The following ENC1 variants were observed in gnomAD, a reference collection of about 807,000 sequenced individuals.
ENC1 encodes the protein ectodermal-neural cortex 1.
In ENC1, 19 loss-of-function variants were observed where a neutral mutation model predicts 40.9. That is an observed-to-expected ratio of 0.46 (90% CI 0.32 to 0.68). The LOEUF (loss-of-function observed/expected upper bound fraction) is 0.68. ENC1 is among the 30% of genes least tolerant of loss of function. The pLI is 0.03. For missense variants in ENC1, 479 were observed against 737.5 expected (o/e 0.65, Z 4.06); for synonymous variants, 285 against 291.1 (o/e 0.98, Z 0.21).
At chr5:74,631,877 C>A (rs1437997981) in intron 2 of ENC1, among the ~76,000 whole-genome samples, 1 of 152,152 alleles carries the variant, frequency 6.6e-6, no homozygotes, top group African/African-American at 2.4e-5. Flanking sequence ...CATTTTCCTA[C>A]CACACAGAAA....
rs914621701 is a variant in ENC1 at position 74,640,611 on chromosome 5, GCGCT to G, written c.-322_-319del. The stretch of plus-strand genomic sequence containing the variant: ...GGCGCCGCGGAAGGAGGCGGGCTGT[GCGCT>G]CGGGGGAGGGAGCTAGAAAGCGCCT... On this transcript the variant is annotated 5_prime_UTR_variant, in exon 1 of 3. Coordinates refer to ENST00000302351, the MANE Select transcript of ENC1 (RefSeq NM_003633.4). 1.3e-5 allele frequency: 2 copies of G among 152,414 alleles called. No homozygotes were observed. Among genetic ancestry groups the G allele is most frequent in the Non-Finnish European group, 2.9e-5 (2 of 68,200 alleles). The allele number at this position is 152,414 out of a possible 1,614,324, so 9.4% of individuals were successfully genotyped here.
chr5:74,634,773 G>T lies in ENC1; in HGVS notation c.1713C>A (p.Val571=). 6.2e-7 allele frequency: 1 copy of T among 1,614,092 alleles called. No individual in the cohort carries two copies. Among genetic ancestry groups the T allele is most frequent in the Non-Finnish European group, 8.5e-7 (1 of 1,179,926 alleles). The change falls in exon 2 of 3, where the codon GTC becomes GTA. Residue 571 remains valine (V), a synonymous_variant. Coordinates refer to ENST00000302351, the MANE Select transcript of ENC1 (RefSeq NM_003633.4). The part of the protein sequence containing the change: ...TLDVWNSITT[V]PYSLIPTAFV... Reference sequence around the variant, plus strand: ...ATGCAGTAGGAATCAGCGAGTACGGGACAGTGGTGATGCTGTTCCACACGT... The same window carrying T: ...ATGCAGTAGGAATCAGCGAGTACGGTACAGTGGTGATGCTGTTCCACACGT...
chr5:74,629,457 T>C lies in ENC1; in HGVS notation c.*568A>G, dbSNP rs1747316323. 6.6e-6 allele frequency: 1 copy of C among 152,218 alleles called. No individual in the cohort carries two copies. Among genetic ancestry groups the C allele is most frequent in the African/African-American group, 2.4e-5 (1 of 41,452 alleles). The allele number at this position is 152,218 out of a possible 1,614,324, so 9.4% of individuals were successfully genotyped here. On this transcript the variant is annotated 3_prime_UTR_variant, in exon 3 of 3. Coordinates refer to ENST00000302351, the MANE Select transcript of ENC1 (RefSeq NM_003633.4). ...AAATGGCTACCAACAAAGTCCCCAT[T>C]GTTCAGAAACGTTCCTGGGGAGCAG...
At position 74,636,587 on chromosome 5, in the gene ENC1, C is replaced by G. The variant is rs1747604883; in HGVS notation, c.-13-89G>C. 1.3e-6 allele frequency: 1 copy of G among 755,024 alleles called. No homozygotes were observed. The highest frequency in any genetic ancestry group is 2.7e-5 in the East Asian group (1 of 36,952). 46.8% of individuals were successfully genotyped at this position (755,024 alleles called of 1,614,324 possible). A position where few individuals can be genotyped will look rare whatever the true frequency, so the allele number is the denominator to read the frequency against. ...AGCAACAATGGTTTTGCACAAAAAACAGAACACTTTGTTGTTGACCATGCC... is the reference window on the plus strand; with the variant it reads ...AGCAACAATGGTTTTGCACAAAAAAGAGAACACTTTGTTGTTGACCATGCC... On this transcript the variant is annotated intron_variant, in intron 1 of 2. Coordinates refer to ENST00000302351, the MANE Select transcript of ENC1 (RefSeq NM_003633.4). The surrounding 1 kb of genome is among the most constrained non-coding windows in gnomAD (Gnocchi z 4.8).
Position 74,635,061 on chromosome 5 carries a change from C to T in ENC1, c.1425G>A (p.Pro475=), listed in dbSNP as rs888489840. Residue 475 remains proline, a synonymous_variant, in exon 2 of 3, where the codon CCG becomes CCA. Transcript: ENST00000302351. This position sits in a 1 kb window ranked among gnomAD's most constrained non-coding sequence, Gnocchi z 5.5. ...AACGCCAGGGCTGGGGACAGGTGGC[C>T]GGTACAGTCCACCTGTTTTCACACT... ...YDQCENRWTV[P]ATCPQPWRYT... is the part of the protein sequence containing the mutation. The T allele has an allele frequency of 4.3e-6, 7 of 1,614,094 alleles. No homozygotes were observed. In the African/African-American group the frequency reaches 6.7e-5, roughly 15 times the overall value.
Position 74,640,562 on chromosome 5 carries a change from G to A in ENC1, c.-269C>T. The A allele has an allele frequency of 6.6e-6, 1 of 152,300 alleles. No homozygotes were observed. The highest frequency in any genetic ancestry group is 1.5e-5 in the Non-Finnish European group (1 of 68,096). 9.4% of individuals were successfully genotyped at this position (152,300 alleles called of 1,614,324 possible). A position where few individuals can be genotyped will look rare whatever the true frequency, so the allele number is the denominator to read the frequency against. On this transcript the variant is annotated 5_prime_UTR_variant, in exon 1 of 3. Transcript: ENST00000302351. ...AGCGTCTCCGGAGCGCGTCACGGTA[G>A]GGCAGAGCAAGCCTGCCACTGCAGG... is the stretch of plus-strand genomic sequence containing the variant.
rs767689222 is a variant in ENC1 at position 74,634,729 on chromosome 5, T to C, written c.1757A>G (p.His586Arg). The change falls in exon 2 of 3, where the codon CAT (histidine) becomes CGT (arginine). Residue 586 changes from histidine (H) to arginine (R), a missense_variant. Physicochemically the swap from His to Arg is conservative, Grantham distance 29. Coordinates refer to ENST00000302351, the MANE Select transcript of ENC1 (RefSeq NM_003633.4). ...AATGTACTGCATTTAAGAAGGCAGA[T>C]GTTTCCAGGTGCTGACAAATGCAGT... ...IPTAFVSTWK[H>R]LPS The C allele has an allele frequency of 6.2e-7, 1 of 1,607,986 alleles. No individual in the cohort carries two copies. The highest frequency in any genetic ancestry group is 8.5e-7 in the Non-Finnish European group (1 of 1,174,688).
chr5:74,629,754 A>G lies in ENC1; in HGVS notation c.*271T>C, dbSNP rs145628273. 1.3e-5 allele frequency: 2 copies of G among 152,322 alleles called. No individual in the cohort carries two copies. The highest frequency in any genetic ancestry group is 3.9e-4 in the East Asian group (2 of 5,180). The allele number at this position is 152,322 out of a possible 1,614,324, so 9.4% of individuals were successfully genotyped here. A position where few individuals can be genotyped will look rare whatever the true frequency, so the allele number is the denominator to read the frequency against. On this transcript the variant is annotated 3_prime_UTR_variant, in exon 3 of 3. Coordinates refer to ENST00000302351, the MANE Select transcript of ENC1 (RefSeq NM_003633.4). Reference sequence around the variant, plus strand: ...GGCTGATTAACATTGACATTAATCCACAATTACAAGACAAGGACTAGATCA... The same window carrying G: ...GGCTGATTAACATTGACATTAATCCGCAATTACAAGACAAGGACTAGATCA...
intron 2 of ENC1, among the ~76,000 whole-genome samples, chr5:74,631,007 C>G (rs1747372385): frequency 6.6e-6 from 1 of 151,964 alleles, no homozygotes; most frequent in Admixed American, 6.6e-5. Flanking sequence ...GTGTCATTGC[C>G]CCACCTCCAC....
In ENC1 at chr5:74,633,329, A is replaced by G. The variant is rs530177498; in HGVS notation, c.*32+1355T>C. 9.8e-5 allele frequency among the ~76,000 whole-genome samples: 15 copies of G among 152,306 alleles called. 2 individuals are homozygous for G. The South Asian group carries it at 2.7e-3, about 27-fold the overall frequency. Reference sequence around the variant, plus strand: ...TATACTCTTAAATACACAGACAACTATTATGTACTCAGATATATGACTCAG... The same window carrying G: ...TATACTCTTAAATACACAGACAACTGTTATGTACTCAGATATATGACTCAG... On this transcript the variant is annotated intron_variant, in intron 2 of 2. Coordinates refer to ENST00000302351, the MANE Select transcript of ENC1 (RefSeq NM_003633.4).
rs1316350724 is a variant in ENC1, at chr5:74,628,805, T to C, written c.*1220A>G. Reference sequence around the variant, plus strand: ...CCGTTTTTCCCATTAAATGTGGTTATGGCAAAGCATTCTTAGGGTAATAAA... The same window carrying C: ...CCGTTTTTCCCATTAAATGTGGTTACGGCAAAGCATTCTTAGGGTAATAAA... On this transcript the variant is annotated 3_prime_UTR_variant, in exon 3 of 3. Coordinates refer to ENST00000302351, the MANE Select transcript of ENC1 (RefSeq NM_003633.4). 66 of 152,186 alleles carry C rather than the reference T, an allele frequency of 4.3e-4. No homozygotes were observed. The highest frequency in any genetic ancestry group is 4.3e-3 in the Admixed American group (66 of 15,278). The allele number at this position is 152,186 out of a possible 1,614,324, so 9.4% of individuals were successfully genotyped here.
intron 2 of ENC1, among the ~76,000 whole-genome samples, chr5:74,634,412 AAATAAT>A (rs552080426): frequency 6.6e-6 from 1 of 151,874 alleles, no homozygotes; most frequent in African/African-American, 2.4e-5. Context: ...ACTCTGTCTC[AAATAAT>A]AATAATAATA....
intron 2 of ENC1, among the ~76,000 whole-genome samples, chr5:74,632,666 C>A (rs1441349398): frequency 6.6e-6 from 1 of 152,126 alleles, no homozygotes; most frequent in African/African-American, 2.4e-5. Flanking sequence ...CCAGCTTTAC[C>A]AACATGGTGA....
chr5:74,637,041 T>C (rs1168587698), intron 1 of ENC1, among the ~76,000 whole-genome samples: 2 of 152,230 alleles, frequency 1.3e-5, no homozygotes, highest in Non-Finnish European at 1.5e-5. Context: ...TCCCAGCACA[T>C]ACAGTAAATG....
chr5:74,636,906 A>C lies in ENC1; in HGVS notation c.-13-408T>G, dbSNP rs943730919. ...TTCACTGCGGGCCACTTAAAATGCCAGGTCTCCTGCTCTTATAATGCCAGG... is the reference window on the plus strand; with the variant it reads ...TTCACTGCGGGCCACTTAAAATGCCCGGTCTCCTGCTCTTATAATGCCAGG... On this transcript the variant is annotated intron_variant, in intron 1 of 2. Transcript: ENST00000302351. This position sits in a 1 kb window ranked among gnomAD's most constrained non-coding sequence, Gnocchi z 4.8. 3.9e-5 allele frequency among the ~76,000 whole-genome samples: 6 copies of C among 152,322 alleles called. No individual in the cohort carries two copies. Among genetic ancestry groups the C allele is most frequent in the African/African-American group, 1.4e-4 (6 of 41,582 alleles).
In ENC1 at chr5:74,634,729, T is replaced by A. The variant is rs767689222; in HGVS notation, c.1757A>T (p.His586Leu). ...AATGTACTGCATTTAAGAAGGCAGA[T>A]GTTTCCAGGTGCTGACAAATGCAGT... is the stretch of plus-strand genomic sequence containing the variant. ...IPTAFVSTWK[H>L]LPS Residue 586 changes from histidine to leucine, a missense_variant, in exon 2 of 3, where the codon CAT (histidine) becomes CTT (leucine). Physicochemically the swap from His to Leu is moderately conservative, Grantham distance 99 (BLOSUM62 -3). Coordinates refer to ENST00000302351, the MANE Select transcript of ENC1 (RefSeq NM_003633.4). 6.2e-7 allele frequency: 1 copy of A among 1,607,986 alleles called. No individual in the cohort carries two copies. The highest frequency in any genetic ancestry group is 8.5e-7 in the Non-Finnish European group (1 of 1,174,688).
chr5:74,634,636 C>T, intron 2 of ENC1, 48 bp downstream of exon 2: 1 of 894,234 alleles, frequency 1.1e-6, no homozygotes, highest in Non-Finnish European at 1.8e-6. Flanking sequence ...TGAACTTACA[C>T]AATAGCCTAA....
chr5:74,635,841 A>C lies in ENC1; in HGVS notation c.645T>G (p.Ile215Met). 1.2e-6 allele frequency: 2 copies of C among 1,613,978 alleles called. No individual in the cohort carries two copies. Among genetic ancestry groups the C allele is most frequent in the South Asian group, 1.1e-5 (1 of 91,082 alleles). Residue 215 changes from isoleucine (I) to methionine (M), a missense_variant, in exon 2 of 3, where the codon ATT becomes ATG. Transcript: ENST00000302351. The surrounding 1 kb of genome is among the most constrained non-coding windows in gnomAD (Gnocchi z 5.5). ...TCTTCAGGTCATAGCTGATCCAGTTAATTGCAGACTCGTACACAAGCCTTT... is the reference window on the plus strand; with the variant it reads ...TCTTCAGGTCATAGCTGATCCAGTTCATTGCAGACTCGTACACAAGCCTTT... ...EDERLVYESA[I>M]NWISYDLKKR...
Position 74,627,848 on chromosome 5 carries a change from G to A in ENC1, c.*2177C>T, listed in dbSNP as rs993712009. On this transcript the variant is annotated 3_prime_UTR_variant, in exon 3 of 3. Transcript: ENST00000302351. ...AGTAGTGAGACCAAATGCCTATATC[G>A]ATTCAAAGAGTGGGAGTCCAGAAAG... 6 of 152,624 alleles carry A rather than the reference G, an allele frequency of 3.9e-5. No homozygotes were observed. Among genetic ancestry groups the A allele is most frequent in the Admixed American group, 2.6e-4 (4 of 15,276 alleles). The allele number at this position is 152,624 out of a possible 1,614,324, so 9.5% of individuals were successfully genotyped here.
Sources: gnomAD v4.1 joint callset for allele counts (sites outside exome capture counted in the v4.1 genomes callset) on GRCh38, gnomAD v4.1.1 for gene constraint, Gnocchi (gnomAD v3.1) non-coding constraint, MANE v1.5 for transcripts, NCBI Gene and HGNC (gene_info 2026-07-23, HGNC 2026-07-21) for gene names.